The following CFAP90 variants were observed in gnomAD, a reference collection of about 807,000 sequenced individuals.
CFAP90 encodes the protein cilia and flagella associated protein 90.
the CFAP90 span, among the ~76,000 whole-genome samples, chr5:7,846,130 G>T: frequency 6.6e-6 from 1 of 152,014 alleles, no homozygotes; most frequent in Non-Finnish European, 1.5e-5. Context: ...TCATATAATA[G>T]CTCTATGAAA....
the CFAP90 span, chr5:7,831,939 G>T: frequency 5.6e-6 from 9 of 1,614,138 alleles, no homozygotes; most frequent in South Asian, 6.6e-5. Context: ...TGGTTGGCAC[G>T]GCCAAAGTCC....
At chr5:7,847,323 T>G in the CFAP90 span, among the ~76,000 whole-genome samples, 2 of 152,240 alleles carry the variant, frequency 1.3e-5, no homozygotes, top group Non-Finnish European at 2.9e-5. Context: ...GAACTTGAAT[T>G]TGTTTGTGAC....
At chr5:7,848,235 C>A in the CFAP90 span, among the ~76,000 whole-genome samples, 1 of 152,158 alleles carries the variant, frequency 6.6e-6, no homozygotes, top group Non-Finnish European at 1.5e-5. Flanking sequence ...ACCATTCCCT[C>A]GTGTTTCCCT....
the CFAP90 span, among the ~76,000 whole-genome samples, chr5:7,833,439 C>A: frequency 6.6e-6 from 1 of 151,854 alleles, no homozygotes; most frequent in Admixed American, 6.6e-5. Context: ...CATATTTACA[C>A]ACATTCACAA....
At chr5:7,845,393 A>G in the CFAP90 span, among the ~76,000 whole-genome samples, 1 of 152,200 alleles carries the variant, frequency 6.6e-6, no homozygotes, top group African/African-American at 2.4e-5. Context: ...ATAAAGAAAC[A>G]GTCAGCTTCT....
At chr5:7,835,681 G>T in the CFAP90 span, among the ~76,000 whole-genome samples, 2 of 152,060 alleles carry the variant, frequency 1.3e-5, no homozygotes, top group Admixed American at 6.6e-5. Flanking sequence ...AGAAGCCCAG[G>T]CCTCACCAGC....
the CFAP90 span, among the ~76,000 whole-genome samples, chr5:7,834,123 A>G: frequency 1.4e-4 from 21 of 152,152 alleles, no homozygotes; most frequent in Non-Finnish European, 1.5e-5. Context: ...GGTATTCCAG[A>G]GAAGACATTG....
chr5:7,835,849 C>T, the CFAP90 span, among the ~76,000 whole-genome samples: 34 of 152,190 alleles, frequency 2.2e-4, no homozygotes, highest in Non-Finnish European at 4.3e-4. Context: ...GTGTCCTAGT[C>T]CATTCAGGCT....
At chr5:7,834,871 G>C in the CFAP90 span, among the ~76,000 whole-genome samples, 8 of 152,194 alleles carry the variant, frequency 5.3e-5, no homozygotes, top group East Asian at 1.5e-3. Flanking sequence ...TACACTCAGT[G>C]ACAAGATCAC....
the CFAP90 span, among the ~76,000 whole-genome samples, chr5:7,832,491 C>T: frequency 6.6e-6 from 1 of 151,992 alleles, no homozygotes; most frequent in South Asian, 2.1e-4. Flanking sequence ...CTAGAATTTG[C>T]TCATCATTTC....
the CFAP90 span, among the ~76,000 whole-genome samples, chr5:7,839,701 A>T: frequency 1.3e-5 from 2 of 152,316 alleles, no homozygotes; most frequent in East Asian, 3.9e-4. Context: ...TTAGTTGCCA[A>T]CAGTCTTCTA....
the CFAP90 span, among the ~76,000 whole-genome samples, chr5:7,844,123 C>T: frequency 6.6e-6 from 1 of 152,074 alleles, no homozygotes; most frequent in African/African-American, 2.4e-5. Flanking sequence ...CTCAGCCCCC[C>T]GACCAACCCC....
chr5:7,842,705 A>C, the CFAP90 span, among the ~76,000 whole-genome samples: 3 of 152,176 alleles, frequency 2.0e-5, no homozygotes, highest in Non-Finnish European at 4.4e-5. Context: ...TGGGCTATGA[A>C]TGAGAAAAAA....
At chr5:7,841,562 T>C in the CFAP90 span, among the ~76,000 whole-genome samples, 1 of 152,108 alleles carries the variant, frequency 6.6e-6, no homozygotes, top group African/African-American at 2.4e-5. Context: ...ATAGCAAAGA[T>C]ATGGAGTCAA....
At chr5:7,849,852 G>A in the CFAP90 span, among the ~76,000 whole-genome samples, 1 of 152,078 alleles carries the variant, frequency 6.6e-6, no homozygotes, top group East Asian at 1.9e-4. Flanking sequence ...GACCATCCGG[G>A]CGTAGTCCCG....
At chr5:7,850,896 G>T in the CFAP90 span, 4 of 1,354,864 alleles carry the variant, frequency 3.0e-6, no homozygotes, top group East Asian at 1.1e-4. Flanking sequence ...GGTAGTAGTA[G>T]CTGTGCTCTT....
At chr5:7,831,515 C>T in the CFAP90 span, 3,276 of 195,076 alleles carry the variant, frequency 0.017, 56 homozygotes, top group Middle Eastern at 0.03. Context: ...ACCAACCCAA[C>T]AGTTACCAAG....
the CFAP90 span, among the ~76,000 whole-genome samples, chr5:7,839,575 G>A: frequency 0.013 from 1,909 of 152,334 alleles, 32 homozygotes; most frequent in East Asian, 0.064. Flanking sequence ...AAGAAGCCCA[G>A]TGTAATATGC....
chr5:7,833,416 A>G, the CFAP90 span, among the ~76,000 whole-genome samples: 616 of 152,266 alleles, frequency 4.0e-3, 2 homozygotes, highest in Admixed American at 7.8e-3. Flanking sequence ...GCATATATGC[A>G]TGCATCTATA....
Sources: allele counts gnomAD v4.1 joint callset (sites outside exome capture counted in the v4.1 genomes callset), GRCh38; gene constraint gnomAD v4.1.1; transcripts MANE v1.5; gene names NCBI Gene and HGNC (gene_info 2026-07-23, HGNC 2026-07-21).